The following SARS1 variants were observed in gnomAD, a reference collection of about 807,000 sequenced individuals.
SARS1 encodes serine--tRNA ligase, cytoplasmic.
Under a neutral mutation model 63.7 loss-of-function variants are expected in SARS1, and 25 were observed. That is an observed-to-expected ratio of 0.39 (90% CI 0.29 to 0.55). SARS1 has a LOEUF of 0.55. Ranked by LOEUF, SARS1 falls within the 20% of genes least tolerant of loss-of-function variation. The probability of loss-of-function intolerance (pLI) is 0.62; values close to 1 mark genes in which losing one functional copy is unlikely to be tolerated. For missense variants in SARS1, 417 were observed against 649.7 expected (o/e 0.64, Z 3.89); for synonymous variants, 231 against 243.5 (o/e 0.95, Z 0.48).
In SARS1 at chr1:109,214,912, C is replaced by T; in HGVS notation, c.136+784C>T. The stretch of plus-strand genomic sequence containing the variant: ...ATGAAGCCGAATAAAACCATAGAAC[C>T]ATCTGCCCATAAATCTCTGCCTGTA... On this transcript the variant is annotated intron_variant, in intron 1 of 10. Transcript: ENST00000234677. This position sits in a 1 kb window ranked among gnomAD's most constrained non-coding sequence, Gnocchi z 4.6. The T allele has an allele frequency of 1.0e-6, 1 of 985,454 alleles. No individual in the cohort carries two copies. 61.0% of individuals were successfully genotyped at this position (985,454 alleles called of 1,614,324 possible). A position where few individuals can be genotyped will look rare whatever the true frequency, so the allele number is the denominator to read the frequency against.
intron 8 of SARS1, 76 bp downstream of exon 8, chr1:109,236,182 CAG>C: frequency 6.6e-7 from 1 of 1,504,776 alleles, no homozygotes; most frequent in South Asian, 1.3e-5. Context: ...AGCTGCCACA[CAG>C]AGAAACAGCT....
In SARS1 at chr1:109,236,495, C is replaced by T; in HGVS notation, c.1204C>T (p.Gln402Ter). 1 of 1,606,922 alleles carries T rather than the reference C, an allele frequency of 6.2e-7. No homozygotes were observed. ...LVSCSNCTDYQARRLRIRYGQ... is the reference protein window; with the variant it reads ...LVSCSNCTDY The stretch of plus-strand genomic sequence containing the variant: ...CTCCTGTTCTAATTGCACGGATTAC[C>T]AGGCTCGCCGGCTTCGAATCCGATA... Residue 402 changes from glutamine to a stop codon, truncating the protein, a stop_gained, in exon 9 of 11, where the codon CAG becomes TAG. Coordinates refer to ENST00000234677, the MANE Select transcript of SARS1 (RefSeq NM_006513.4). LOFTEE classifies it high-confidence loss of function.
intron 1 of SARS1, among the ~76,000 whole-genome samples, chr1:109,220,763 C>CACAAT (rs1330235866): frequency 6.6e-6 from 1 of 152,034 alleles, no homozygotes; most frequent in African/African-American, 2.4e-5. Context: ...GTTTCCAAAA[C>CACAAT]ACAATAGATA....
chr1:109,221,960 T>TGTG, intron 1 of SARS1, among the ~76,000 whole-genome samples: 1 of 10,060 alleles, frequency 9.9e-5, no homozygotes, highest in African/African-American at 1.5e-4. Context: ...GCTAATTTTT[T>TGTG]TGTGTGTGTG....
chr1:109,227,020 G>C (rs762228047), intron 2 of SARS1, among the ~76,000 whole-genome samples: 3 of 130,326 alleles, frequency 2.3e-5, no homozygotes, highest in African/African-American at 8.8e-5. Context: ...TTTTGAGACA[G>C]AGTCTTACTC....
chr1:109,234,837 G>A (rs1213755204), intron 6 of SARS1, among the ~76,000 whole-genome samples: 4 of 152,240 alleles, frequency 2.6e-5, no homozygotes, highest in Non-Finnish European at 5.9e-5. Context: ...GTGGTGGCGC[G>A]TGCCTGTAAT....
intron 1 of SARS1, among the ~76,000 whole-genome samples, chr1:109,219,664 C>G (rs1358029619): frequency 6.6e-6 from 1 of 151,922 alleles, no homozygotes; most frequent in Admixed American, 6.6e-5. Context: ...AGGCACCCAC[C>G]ACCATGCCTG....
intron 1 of SARS1, among the ~76,000 whole-genome samples, chr1:109,218,193 CAAAAAA>C (rs35069915): frequency 2.5e-4 from 10 of 39,766 alleles, no homozygotes; most frequent in African/African-American, 8.0e-4. Context: ...ACTCTGTCTC[CAAAAAA>C]AAAAAAAAAA....
rs547247969 is a variant in SARS1 at position 109,214,342 on chromosome 1, C to T, written c.136+214C>T. On this transcript the variant is annotated intron_variant, in intron 1 of 10. Coordinates refer to ENST00000234677, the MANE Select transcript of SARS1 (RefSeq NM_006513.4). This position sits in a 1 kb window ranked among gnomAD's most constrained non-coding sequence, Gnocchi z 4.6. Reference sequence around the variant, plus strand: ...CACCCGGGCGGAGCGAGGTCCCTTCCACGCGTGCTCAGTGCCGTTCGCTGC... The same window carrying T: ...CACCCGGGCGGAGCGAGGTCCCTTCTACGCGTGCTCAGTGCCGTTCGCTGC... Among the ~76,000 whole-genome samples the T allele has an allele frequency of 6.6e-6, 1 of 152,346 alleles. No homozygotes were observed. The highest frequency in any genetic ancestry group is 1.9e-4 in the East Asian group (1 of 5,174).
At chr1:109,217,719 C>T (rs1350109017) in intron 1 of SARS1, among the ~76,000 whole-genome samples, 1 of 151,916 alleles carries the variant, frequency 6.6e-6, no homozygotes, top group East Asian at 1.9e-4. Context: ...CACCACCATG[C>T]CCAGCTAATT....
At chr1:109,221,970 G>GTATATATATATATATA (rs773937466) in intron 1 of SARS1, among the ~76,000 whole-genome samples, 1 of 28,056 alleles carries the variant, frequency 3.6e-5, no homozygotes, top group African/African-American at 1.4e-4. Flanking sequence ...TTGTGTGTGT[G>GTATATATATATATATA]TATATATATA....
At chr1:109,228,251 G>A in intron 2 of SARS1, 101 bp from the exon 3 acceptor site, 1 of 875,566 alleles carries the variant, frequency 1.1e-6, no homozygotes, top group Non-Finnish European at 1.7e-6. Context: ...AAGAAGTTCT[G>A]TGATTCATTT....
At chr1:109,218,299 G>A (rs146219105) in intron 1 of SARS1, among the ~76,000 whole-genome samples, 2,086 of 150,474 alleles carry the variant, frequency 0.014, 43 homozygotes, top group African/African-American at 0.047. Context: ...CCCGGGAAGC[G>A]GAGGTTGCAG....
chr1:109,221,970 G>GTGTATATATATATA (rs1654939076), intron 1 of SARS1, among the ~76,000 whole-genome samples: 3 of 28,056 alleles, frequency 1.1e-4, no homozygotes, highest in African/African-American at 4.3e-4. Context: ...TTGTGTGTGT[G>GTGTATATATATATA]TATATATATA....
At chr1:109,218,067 C>T (rs1654832610) in intron 1 of SARS1, among the ~76,000 whole-genome samples, 1 of 151,728 alleles carries the variant, frequency 6.6e-6, no homozygotes, top group Non-Finnish European at 1.5e-5. Context: ...GTGGGGGGCG[C>T]CTGTAGTCCC....
intron 2 of SARS1, 146 bp from the exon 3 acceptor site, chr1:109,228,206 T>G: frequency 1.6e-6 from 1 of 607,300 alleles, no homozygotes; most frequent in South Asian, 2.3e-5. Flanking sequence ...ACTAATTTTT[T>G]TCCTACATGT....
At position 109,229,533 on chromosome 1, in the gene SARS1, GA is replaced by G; in HGVS notation, c.410del (p.Asn137ThrfsTer19). 1 of 1,614,196 alleles carries G rather than the reference GA, an allele frequency of 6.2e-7. No individual in the cohort carries two copies. Among genetic ancestry groups the G allele is most frequent in the East Asian group, 2.2e-5 (1 of 44,874 alleles). ...ERFENLREIG[N>X]LLHPSVPISN... ...GGTTTGAGAACCTCCGAGAGATTGG[GA>G]ACCTTCTGCACCCTTCTGTACCCAT... is the stretch of plus-strand genomic sequence containing the variant. On this transcript the variant is annotated frameshift_variant, in exon 4 of 11. Coordinates refer to ENST00000234677, the MANE Select transcript of SARS1 (RefSeq NM_006513.4). LOFTEE classifies it high-confidence loss of function.
intron 3 of SARS1, 105 bp downstream of exon 3, chr1:109,228,537 C>A (rs972886173): frequency 2.7e-6 from 2 of 730,546 alleles, no homozygotes; most frequent in East Asian, 2.6e-5. Context: ...TTGTGACATC[C>A]TTTCATTTCT....
intron 2 of SARS1, among the ~76,000 whole-genome samples, chr1:109,227,753 A>C (rs1178130592): frequency 6.6e-6 from 1 of 151,806 alleles, no homozygotes; most frequent in African/African-American, 2.4e-5. Context: ...ATACAAAAAA[A>C]AAAAAGGAAA....
Sources: allele counts gnomAD v4.1 joint callset (sites outside exome capture counted in the v4.1 genomes callset), GRCh38; gene constraint gnomAD v4.1.1; non-coding constraint Gnocchi (gnomAD v3.1); transcripts MANE v1.5; gene names NCBI Gene and HGNC (gene_info 2026-07-23, HGNC 2026-07-21).